Variants in DNAJC13 observed in about 807,000 individuals in gnomAD.
The protein encoded by DNAJC13 is DnaJ heat shock protein family (Hsp40) member C13.
A neutral mutation model predicts 290.5 loss-of-function variants in DNAJC13; 75 were observed. That is an observed-to-expected ratio of 0.26 (90% CI 0.21 to 0.31). The LOEUF is 0.31. DNAJC13 is among the 10% of genes least tolerant of loss of function. DNAJC13 has a pLI of 1.00. For synonymous variants in DNAJC13, 862 were observed against 892.0 expected, an observed-to-expected ratio of 0.97 and a Z score of 0.60; for missense variants, 2,260 against 2,674.5, an observed-to-expected ratio of 0.85 and a Z score of 3.42.
chr3:132,500,740 A>C, intron 38 of DNAJC13, 54 bp from the exon 39 acceptor site: 1 of 1,603,014 alleles, frequency 6.2e-7, no homozygotes, highest in Non-Finnish European at 8.5e-7. Flanking sequence ...TGTGTTAAAT[A>C]AGGAATGCCT....
chr3:132,492,984 G>A (rs1229096058), intron 33 of DNAJC13, among the ~76,000 whole-genome samples: 1 of 152,056 alleles, frequency 6.6e-6, no homozygotes, highest in Non-Finnish European at 1.5e-5. Context: ...GTCTGGGATT[G>A]AGTTTCAGCT....
intron 21 of DNAJC13, among the ~76,000 whole-genome samples, 162 bp from the exon 22 acceptor site, chr3:132,474,770 T>TTACACAGA (rs1243902903): frequency 1.3e-5 from 2 of 151,174 alleles, no homozygotes; most frequent in Non-Finnish European, 2.9e-5. Context: ...TCTACTTCCT[T>TTACACAGA]TACACAGATT....
At chr3:132,500,729 A>T (rs572656746) in intron 38 of DNAJC13, 65 bp from the exon 39 acceptor site, 3 of 1,595,410 alleles carry the variant, frequency 1.9e-6, no homozygotes, top group Non-Finnish European at 2.6e-6. Context: ...TTTGATTTCT[A>T]TGTGTTAAAT....
chr3:132,531,247 A>G (rs989486969), intron 55 of DNAJC13, 150 bp downstream of exon 55: 21 of 637,076 alleles, frequency 3.3e-5, no homozygotes, highest in Non-Finnish European at 4.7e-5. Flanking sequence ...TGTAGTAGAC[A>G]TATGGTCTTA....
intron 55 of DNAJC13, among the ~76,000 whole-genome samples, chr3:132,532,350 C>G (rs370130927): frequency 2.1e-3 from 327 of 152,144 alleles, no homozygotes; most frequent in South Asian, 7.9e-3. Flanking sequence ...TGGTGTGACA[C>G]TTTTTTTTCT....
At position 132,513,010 on chromosome 3, in the gene DNAJC13, T is replaced by G. The variant is rs1935823336; in HGVS notation, c.5296T>G (p.Ser1766Ala). ...LRNVIKYNPGSESECIGHFKL... is the reference protein window; with the variant it reads ...LRNVIKYNPGAESECIGHFKL... ...ACCATTTTATTCTTATTCTCTAGGTTCTGAGAGTGAATGCATTGGGCACTT... is the reference window on the plus strand; with the variant it reads ...ACCATTTTATTCTTATTCTCTAGGTGCTGAGAGTGAATGCATTGGGCACTT... Residue 1766 changes from serine to alanine, a missense_variant and splice_region_variant, in exon 45 of 56, where the codon TCT becomes GCT. Physicochemically the swap from Ser to Ala is moderately conservative, Grantham distance 99. This residue lies in a region of DNAJC13 where 1,494 missense variants were observed against 1,693.7 expected (regional missense o/e 0.88). Coordinates refer to ENST00000260818, the MANE Select transcript of DNAJC13 (RefSeq NM_015268.4). 6.2e-7 allele frequency: 1 copy of G among 1,611,912 alleles called. No homozygotes were observed. Among genetic ancestry groups the G allele is most frequent in the African/African-American group, 1.3e-5 (1 of 74,850 alleles).
chr3:132,491,670 T>A (rs1935061449), intron 32 of DNAJC13, among the ~76,000 whole-genome samples: 1 of 152,124 alleles, frequency 6.6e-6, no homozygotes, highest in South Asian at 2.1e-4. Context: ...ACTTGATACT[T>A]CATATTTCCA....
At chr3:132,503,960 T>G (rs935408068) in intron 41 of DNAJC13, among the ~76,000 whole-genome samples, 1 of 148,878 alleles carries the variant, frequency 6.7e-6, no homozygotes, top group Non-Finnish European at 1.5e-5. Context: ...TTAAACAGGT[T>G]ACTATTATCC....
intron 20 of DNAJC13, 175 bp downstream of exon 20, chr3:132,467,488 CAG>C: frequency 1.7e-6 from 1 of 595,422 alleles, no homozygotes; most frequent in South Asian, 3.0e-5. Flanking sequence ...TATTTTGAGA[CAG>C]AGCCTTGCTC....
In DNAJC13 at chr3:132,454,140, A is replaced by G. The variant is rs1285963987; in HGVS notation, c.915A>G (p.Lys305=). ...TIEFIKGQVR[K]YSSTERDSLL... is the part of the protein sequence containing the mutation. ...AATTTATAAAAGGGCAAGTACGGAA[A>G]TATTCTTCAACAGAGAGGTATTTTT... The change falls in exon 9 of 56, where the codon AAA becomes AAG. Residue 305 remains lysine (K), a synonymous_variant. Transcript: ENST00000260818. 5 of 1,605,088 alleles carry G rather than the reference A, an allele frequency of 3.1e-6. No individual in the cohort carries two copies. The highest frequency in any genetic ancestry group is 2.3e-5 in the South Asian group (2 of 87,932).
At chr3:132,446,628 C>T (rs532893635) in intron 3 of DNAJC13, 78 bp downstream of exon 3, 11 of 881,040 alleles carry the variant, frequency 1.2e-5, no homozygotes, top group African/African-American at 1.2e-4. Context: ...CCATTACCCT[C>T]CCTTAAATCA....
At chr3:132,419,036 G>C (rs1938880155) in intron 1 of DNAJC13, among the ~76,000 whole-genome samples, 1 of 152,164 alleles carries the variant, frequency 6.6e-6, no homozygotes, top group South Asian at 2.1e-4. Flanking sequence ...TTCACATTTT[G>C]TGTAATGTGA....
chr3:132,471,773 G>C (rs1199642884), intron 20 of DNAJC13, among the ~76,000 whole-genome samples: 3 of 142,760 alleles, frequency 2.1e-5, no homozygotes, highest in Non-Finnish European at 4.7e-5. Flanking sequence ...TGGGCAGCCA[G>C]GCAGAGGGGC....
intron 1 of DNAJC13, among the ~76,000 whole-genome samples, chr3:132,430,561 G>A (rs1939213672): frequency 6.6e-6 from 1 of 152,038 alleles, no homozygotes; most frequent in African/African-American, 2.4e-5. Context: ...TCCCAAGATA[G>A]GCCCTTGGTA....
intron 55 of DNAJC13, chr3:132,537,338 T>C (rs1936626737): frequency 2.4e-6 from 1 of 415,214 alleles, no homozygotes; most frequent in Non-Finnish European, 4.9e-6. Context: ...TGTTCCTTAG[T>C]TGTTTGCCTT....
chr3:132,488,077 T>A (rs1934939992), intron 29 of DNAJC13, among the ~76,000 whole-genome samples: 1 of 152,198 alleles, frequency 6.6e-6, no homozygotes, highest in Non-Finnish European at 1.5e-5. Context: ...CTTTTCTGAA[T>A]ACATTTTGAT....
In DNAJC13 at chr3:132,538,385, T is replaced by C. The variant is rs900544411; in HGVS notation, c.*103T>C. On this transcript the variant is annotated 3_prime_UTR_variant, in exon 56 of 56. Transcript: ENST00000260818. ...TCTTACTGCCTTTCTCCTGGTTTCATGACAGTGTTATTCCTTTTTCTATAA... is the reference window on the plus strand; with the variant it reads ...TCTTACTGCCTTTCTCCTGGTTTCACGACAGTGTTATTCCTTTTTCTATAA... The C allele has an allele frequency of 5.0e-6, 4 of 804,484 alleles. No individual in the cohort carries two copies. In the African/African-American group the frequency reaches 6.9e-5, roughly 14 times the overall value. The allele number at this position is 804,484 out of a possible 1,614,324, so 49.8% of individuals were successfully genotyped here.
intron 5 of DNAJC13, among the ~76,000 whole-genome samples, chr3:132,448,575 A>G (rs946342496): frequency 1.3e-5 from 2 of 152,178 alleles, no homozygotes; most frequent in Non-Finnish European, 2.9e-5. Context: ...ATTTCTTCCC[A>G]TTAGCAAGTA....
At chr3:132,507,461 T>C in intron 43 of DNAJC13, 108 bp downstream of exon 43, 1 of 716,660 alleles carries the variant, frequency 1.4e-6, no homozygotes, top group Non-Finnish European at 2.4e-6. Flanking sequence ...TTGCACTTTC[T>C]TTACTGTGCT....
Sources: gnomAD v4.1 joint callset for allele counts (sites outside exome capture counted in the v4.1 genomes callset) on GRCh38, gnomAD v4.1.1 for gene constraint, gnomAD v4.1.1 regional missense constraint, MANE v1.5 for transcripts, NCBI Gene and HGNC (gene_info 2026-07-23, HGNC 2026-07-21) for gene names.